KALRN: variants seen among roughly 807,000 people sequenced by gnomAD.
KALRN encodes the protein kalirin RhoGEF kinase.
Under a neutral mutation model 353.7 loss-of-function variants are expected in KALRN, and 70 were observed. The ratio of observed to expected loss-of-function variants is 0.20; its 90% CI spans 0.16 to 0.24. KALRN has a LOEUF of 0.24. Ranked by LOEUF, KALRN falls within the 10% of genes least tolerant of loss-of-function variation. KALRN has a pLI of 1.00. For missense variants in KALRN, 2,791 were observed against 3,756.7 expected, an observed-to-expected ratio of 0.74 and a Z score of 6.72; for synonymous variants, 1,391 against 1,434.8, an observed-to-expected ratio of 0.97 and a Z score of 0.69.
rs149686480 is a variant in KALRN at position 124,680,349 on chromosome 3, C to T, written c.7377+832C>T. Among the ~76,000 whole-genome samples the T allele has an allele frequency of 9.5e-3, 1,444 of 152,352 alleles. 7 individuals are homozygous for T. Among genetic ancestry groups the T allele is most frequent in the Non-Finnish European group, 0.013 (858 of 68,034 alleles). ...TTGGGTTATAGAAACGTGGCTCTTA[C>T]GTGGCTTGCCACTGAGTAACAACCA... On this transcript the variant is annotated intron_variant, in intron 51 of 59. Transcript: ENST00000682506.
chr3:124,046,832 T>A (rs962910750), intron 1 of KALRN, among the ~76,000 whole-genome samples: 1 of 152,196 alleles, frequency 6.6e-6, no homozygotes, highest in Non-Finnish European at 1.5e-5. Context: ...TGGATTTGTC[T>A]GTATTCTTGT....
chr3:124,215,107 C>A (rs536745724), intron 1 of KALRN, among the ~76,000 whole-genome samples: 1 of 152,212 alleles, frequency 6.6e-6, no homozygotes, highest in East Asian at 1.9e-4. Flanking sequence ...CTGGCAGCTG[C>A]TGGCAGCTAT....
At chr3:124,598,393 G>A (rs966309046) in intron 34 of KALRN, among the ~76,000 whole-genome samples, 1 of 152,156 alleles carries the variant, frequency 6.6e-6, no homozygotes, top group African/African-American at 2.4e-5. Context: ...GACCTTGATT[G>A]CCAGTGTGCT....
At chr3:124,580,950 T>TAATAATAGTAATAAC (rs1308929227) in intron 34 of KALRN, among the ~76,000 whole-genome samples, 57 of 146,682 alleles carry the variant, frequency 3.9e-4, no homozygotes, top group Admixed American at 6.8e-4. Context: ...TCTATTAAAA[T>TAATAATAGTAATAAC]AATAATAATA....
chr3:124,521,236 C>T (rs766900058), intron 33 of KALRN, among the ~76,000 whole-genome samples: 8 of 152,162 alleles, frequency 5.3e-5, no homozygotes, highest in African/African-American at 7.2e-5. Flanking sequence ...AAATATTTTT[C>T]GAGTGCCTCC....
chr3:124,431,544 G>A (rs2093278354), intron 16 of KALRN, among the ~76,000 whole-genome samples: 1 of 152,114 alleles, frequency 6.6e-6, no homozygotes, highest in South Asian at 2.1e-4. Context: ...TAGGAAATGG[G>A]ACGTGGGAAC....
At chr3:124,255,282 T>C (rs763547246) in intron 3 of KALRN, among the ~76,000 whole-genome samples, 1 of 152,166 alleles carries the variant, frequency 6.6e-6, no homozygotes, top group African/African-American at 2.4e-5. Flanking sequence ...AAATTATTTC[T>C]TATAGTTTCA....
intron 12 of KALRN, 106 bp from the exon 13 acceptor site, chr3:124,398,591 C>T: frequency 9.1e-7 from 1 of 1,104,406 alleles, no homozygotes; most frequent in Non-Finnish European, 1.4e-6. Flanking sequence ...AATGACTCAA[C>T]TGATTCACAT....
intron 37 of KALRN, among the ~76,000 whole-genome samples, chr3:124,648,086 A>G (rs1189798458): frequency 6.6e-6 from 1 of 152,226 alleles, no homozygotes; most frequent in Non-Finnish European, 1.5e-5. Flanking sequence ...GTTTTCTCCC[A>G]GGAGCAGAAC....
intron 52 of KALRN, among the ~76,000 whole-genome samples, chr3:124,694,102 T>C (rs2150596767): frequency 6.6e-6 from 1 of 152,372 alleles, no homozygotes; most frequent in South Asian, 2.1e-4. Flanking sequence ...TATGACATTA[T>C]GGAGCTTTTC....
intron 11 of KALRN, 46 bp from the exon 12 acceptor site, chr3:124,395,089 G>T (rs892565715): frequency 5.2e-6 from 8 of 1,526,706 alleles, no homozygotes; most frequent in Non-Finnish European, 6.3e-6. Flanking sequence ...CCCAGCCCTG[G>T]CCTCTCCCAT....
At chr3:124,597,933 G>A (rs1344211100) in intron 34 of KALRN, among the ~76,000 whole-genome samples, 1 of 152,220 alleles carries the variant, frequency 6.6e-6, no homozygotes, top group Non-Finnish European at 1.5e-5. Flanking sequence ...AGATAGTGAA[G>A]TGTAGGACGG....
intron 10 of KALRN, among the ~76,000 whole-genome samples, chr3:124,360,117 G>A (rs1560673865): frequency 6.6e-6 from 1 of 152,268 alleles, no homozygotes; most frequent in Non-Finnish European, 1.5e-5. Context: ...ACCCAAGGTG[G>A]AGGCTGGACA....
At chr3:124,516,657 C>A (rs1300223716) in intron 33 of KALRN, among the ~76,000 whole-genome samples, 2 of 122,970 alleles carry the variant, frequency 1.6e-5, no homozygotes, top group African/African-American at 2.9e-5. Context: ...AAAAAAAAAC[C>A]TGGTAATGAC....
chr3:124,538,702 A>G (rs550651923), intron 33 of KALRN, among the ~76,000 whole-genome samples: 2 of 152,304 alleles, frequency 1.3e-5, no homozygotes, highest in East Asian at 3.9e-4. Flanking sequence ...CAGAGCGAAT[A>G]GTGGGGCCCC....
chr3:124,670,472 A>G (rs111815641), intron 47 of KALRN, among the ~76,000 whole-genome samples: 174 of 152,340 alleles, frequency 1.1e-3, no homozygotes, highest in African/African-American at 4.1e-3. Flanking sequence ...AGAGACAAGG[A>G]TGTGATGACG....
At chr3:124,068,816 G>A (rs2042594247) in intron 1 of KALRN, among the ~76,000 whole-genome samples, 2 of 152,210 alleles carry the variant, frequency 1.3e-5, no homozygotes, top group Non-Finnish European at 2.9e-5. Context: ...GAGTTGTGGA[G>A]GGGTAAAGAA....
chr3:124,712,294 T>C (rs1315036510), intron 57 of KALRN, among the ~76,000 whole-genome samples: 1 of 152,200 alleles, frequency 6.6e-6, no homozygotes, highest in Non-Finnish European at 1.5e-5. Flanking sequence ...GTGCTAGACC[T>C]TGAAGGAAGT....
chr3:124,287,239 T>A (rs1474098490), intron 5 of KALRN, among the ~76,000 whole-genome samples: 5 of 152,150 alleles, frequency 3.3e-5, no homozygotes, highest in African/African-American at 1.2e-4. Context: ...TTTTAGCTCT[T>A]AATATGCCCC....
Sources: gnomAD v4.1 joint callset for allele counts (sites outside exome capture counted in the v4.1 genomes callset) on GRCh38, gnomAD v4.1.1 for gene constraint, MANE v1.5 for transcripts, NCBI Gene and HGNC (gene_info 2026-07-23, HGNC 2026-07-21) for gene names.